The following LRRK2 variants were observed in gnomAD, a reference collection of about 807,000 sequenced individuals.
LRRK2 encodes leucine rich repeat kinase 2, also known as leucine-rich repeat serine/threonine-protein kinase 2.
In LRRK2, 203 loss-of-function variants were observed where a neutral mutation model predicts 302.6. The observed-to-expected ratio is 0.67, with a 90% confidence interval of 0.60 to 0.75. The LOEUF is 0.75. Ranked by LOEUF, LRRK2 falls within the 30% of genes least tolerant of loss-of-function variation. The probability of loss-of-function intolerance (pLI) is 0.00; values close to 1 mark genes in which losing one functional copy is unlikely to be tolerated. For synonymous variants in LRRK2, 1,066 were observed against 1,031.9 expected, an observed-to-expected ratio of 1.03 and a Z score of -0.63; for missense variants, 2,830 against 2,951.0, an observed-to-expected ratio of 0.96 and a Z score of 0.95.
At position 40,235,730 on chromosome 12, in the gene LRRK2, G is replaced by GT. The variant is rs1941420146; in HGVS notation, c.436+22dup. On this transcript the variant is annotated intron_variant, in intron 4 of 50. Coordinates refer to ENST00000298910, the MANE Select transcript of LRRK2 (RefSeq NM_198578.4). ...CTAACTTCAGGTAATATGTGTATATGTTTTTTGTGTTGATTCAAATTAAAA... is the reference window on the plus strand; with the variant it reads ...CTAACTTCAGGTAATATGTGTATATGTTTTTTTGTGTTGATTCAAATTAAAA... 1 of 1,376,344 alleles carries GT rather than the reference G, an allele frequency of 7.3e-7. No homozygotes were observed. The highest frequency in any genetic ancestry group is 1.7e-5 in the Admixed American group (1 of 57,262). The allele number at this position is 1,376,344 out of a possible 1,614,324, so 85.3% of individuals were successfully genotyped here.
intron 20 of LRRK2, among the ~76,000 whole-genome samples, chr12:40,289,641 A>C (rs962765322): frequency 2.6e-5 from 4 of 151,162 alleles, no homozygotes; most frequent in East Asian, 3.9e-4. Context: ...ATATAGTTCA[A>C]TTAGTCTTTT....
intron 23 of LRRK2, 25 bp from the exon 24 acceptor site, chr12:40,298,218 G>A (rs748657501): frequency 3.7e-6 from 6 of 1,610,384 alleles, no homozygotes; most frequent in Non-Finnish European, 5.1e-6. Flanking sequence ...GTTCACTTTA[G>A]AATTTTAAAC....
chr12:40,239,408 A>G (rs1284842731), intron 5 of LRRK2, among the ~76,000 whole-genome samples: 1 of 152,138 alleles, frequency 6.6e-6, no homozygotes, highest in East Asian at 1.9e-4. Flanking sequence ...ATTGTCTTGC[A>G]GGGTCTGTAA....
At chr12:40,246,662 C>T (rs140173166) in intron 7 of LRRK2, among the ~76,000 whole-genome samples, 1 of 152,060 alleles carries the variant, frequency 6.6e-6, no homozygotes, top group Non-Finnish European at 1.5e-5. Context: ...ATTAAAGATG[C>T]TCTTTCAGAG....
chr12:40,322,279 G>C, intron 36 of LRRK2, 40 bp from the exon 37 acceptor site: 1 of 1,610,306 alleles, frequency 6.2e-7, no homozygotes, highest in South Asian at 1.1e-5. Context: ...GACAGTATGA[G>C]GTTTAGACAA....
chr12:40,287,668 A>G, intron 20 of LRRK2, 129 bp downstream of exon 20: 3 of 899,636 alleles, frequency 3.3e-6, no homozygotes, highest in Non-Finnish European at 5.1e-6. Flanking sequence ...TATTATCGCA[A>G]ACAGTTAAGT....
intron 20 of LRRK2, among the ~76,000 whole-genome samples, chr12:40,291,142 A>G (rs1486837608): frequency 1.3e-5 from 2 of 148,714 alleles, no homozygotes; most frequent in Non-Finnish European, 2.9e-5. Flanking sequence ...ACATGGATGA[A>G]GCTGGAAACC....
At chr12:40,278,813 T>C (rs1217081581) in intron 18 of LRRK2, among the ~76,000 whole-genome samples, 1 of 152,142 alleles carries the variant, frequency 6.6e-6, no homozygotes, top group Non-Finnish European at 1.5e-5. Flanking sequence ...ATTGTTCTGC[T>C]CTCCCTTCAA....
rs766130825 is a variant in LRRK2 at position 40,298,293 on chromosome 12, A to T, written c.3147A>T (p.Ser1049=). The T allele has an allele frequency of 5.6e-6, 9 of 1,613,608 alleles. No homozygotes were observed. Among genetic ancestry groups the T allele is most frequent in the Non-Finnish European group, 7.6e-6 (9 of 1,179,834 alleles). The change falls in exon 24 of 51, where the codon TCA becomes TCT. Residue 1049 remains serine (S), a synonymous_variant. Coordinates refer to ENST00000298910, the MANE Select transcript of LRRK2 (RefSeq NM_198578.4). The part of the protein sequence containing the change: ...HLDLHSNKFT[S]FPSYLLKMSC... ...ACTTGCACAGTAATAAATTTACATC[A>T]TTTCCTTCTTATTTGTTGAAAATGA...
At chr12:40,356,372 A>G (rs1338524838) in intron 46 of LRRK2, among the ~76,000 whole-genome samples, 185 bp downstream of exon 46, 1 of 152,202 alleles carries the variant, frequency 6.6e-6, no homozygotes, top group East Asian at 1.9e-4. Context: ...GATTGACTGT[A>G]TATTTTATAT....
rs199866220 is a variant in LRRK2 at position 40,354,539 on chromosome 12, C to A, written c.6770+47C>A. ...ATGGGGAAATTACAGATCTTTTAAA[C>A]GACTGAATTGTGTGCATAATTGTTA... On this transcript the variant is annotated intron_variant, in intron 45 of 50. Transcript: ENST00000298910. The A allele has an allele frequency of 5.6e-4, 850 of 1,517,742 alleles. 1 individual carries two copies. Among genetic ancestry groups the A allele is most frequent in the Non-Finnish European group, 7.4e-4 (814 of 1,096,780 alleles). The allele number at this position is 1,517,742 out of a possible 1,614,324, so 94.0% of individuals were successfully genotyped here. A position where few individuals can be genotyped will look rare whatever the true frequency, so the allele number is the denominator to read the frequency against.
intron 8 of LRRK2, 88 bp from the exon 9 acceptor site, chr12:40,251,144 A>G: frequency 3.4e-6 from 3 of 882,138 alleles, no homozygotes; most frequent in Non-Finnish European, 5.2e-6. Context: ...TCTGTTGGTA[A>G]TATTTCAAAA....
chr12:40,313,939 G>A (rs1305972794), intron 31 of LRRK2, 33 bp from the exon 32 acceptor site: 4 of 1,592,436 alleles, frequency 2.5e-6, no homozygotes, highest in South Asian at 2.2e-5. Context: ...AAATAAAATA[G>A]ATTTTTACGG....
chr12:40,354,536 A>G, intron 45 of LRRK2, 44 bp downstream of exon 45: 2 of 1,528,632 alleles, frequency 1.3e-6, no homozygotes, highest in Non-Finnish European at 1.8e-6. Flanking sequence ...CAGATCTTTT[A>G]AACGACTGAA....
chr12:40,298,969 G>T (rs1186885789), intron 24 of LRRK2, 140 bp from the exon 25 acceptor site: 4 of 550,232 alleles, frequency 7.3e-6, no homozygotes, highest in Admixed American at 3.6e-5. Flanking sequence ...TTTATCAACT[G>T]ACTTACATTT....
chr12:40,336,388 T>G, intron 40 of LRRK2, among the ~76,000 whole-genome samples: 1 of 152,234 alleles, frequency 6.6e-6, no homozygotes, highest in Non-Finnish European at 1.5e-5. Flanking sequence ...TATGTTTTCA[T>G]TTTTTAAAAA....
rs1943969628 is a variant in LRRK2, at chr12:40,287,363, C to A, written c.2513C>A (p.Thr838Lys). 6.2e-7 allele frequency: 1 copy of A among 1,611,938 alleles called. No homozygotes were observed. Among genetic ancestry groups the A allele is most frequent in the Non-Finnish European group, 8.5e-7 (1 of 1,178,682 alleles). ...NLRKQTNIAS[T>K]LARMVIRYQM... ...CTCTTATTTTCAGATATAGCATCTA[C>A]ACTAGCAAGAATGGTGATCAGATAT... Residue 838 changes from threonine to lysine, a missense_variant, in exon 20 of 51, where the codon ACA (threonine) becomes AAA (lysine). Around this residue, in one of 3 missense-constraint regions of LRRK2, gnomAD observed 2,121 missense variants for 2,148.0 expected, o/e 0.99. Transcript: ENST00000298910.
chr12:40,334,998 C>T lies in LRRK2; in HGVS notation c.5789C>T (p.Pro1930Leu). 6.2e-7 allele frequency: 1 copy of T among 1,614,070 alleles called. No homozygotes were observed. ...ELVVLCHLHH[P>L]SLISLLAAGI... ...GTGGTGCTTTGCCACCTCCACCACC[C>T]CAGTTTGATATCTTTGCTGGCAGCT... The change falls in exon 40 of 51, where the codon CCC becomes CTC. Residue 1930 changes from proline to leucine, a missense_variant. Pro to Leu is a moderately conservative substitution (Grantham distance 98, BLOSUM62 -3). This residue lies in a region of LRRK2 where 253 missense variants were observed against 346.7 expected (regional missense o/e 0.73). Transcript: ENST00000298910.
chr12:40,225,468 G>A (rs1043640049), intron 1 of LRRK2, 87 bp from the exon 2 acceptor site: 3 of 1,344,320 alleles, frequency 2.2e-6, no homozygotes, highest in African/African-American at 1.4e-5. Flanking sequence ...TCACCTTTTT[G>A]ACTTTTCTCC....
Sources: gnomAD v4.1 joint callset for allele counts (sites outside exome capture counted in the v4.1 genomes callset) on GRCh38, gnomAD v4.1.1 for gene constraint, gnomAD v4.1.1 regional missense constraint, MANE v1.5 for transcripts, NCBI Gene and HGNC (gene_info 2026-07-23, HGNC 2026-07-21) for gene names.